ARHGAP8: variants seen among roughly 807,000 people sequenced by gnomAD.
The protein encoded by ARHGAP8 is Rho GTPase activating protein 8.
A neutral mutation model predicts 46.1 loss-of-function variants in ARHGAP8; 62 were observed. The observed-to-expected ratio is 1.34, with a 90% CI of 1.10 to 1.66. ARHGAP8 has a LOEUF of 1.66. ARHGAP8 is among the 40% of genes most tolerant of loss of function. The probability of loss-of-function intolerance (pLI) is 0.00; values close to 1 mark genes in which losing one functional copy is unlikely to be tolerated. For missense variants in ARHGAP8, 923 were observed against 568.4 expected (o/e 1.62, Z -6.34); for synonymous variants, 375 against 243.1 (o/e 1.54, Z -5.05).
chr22:44,807,289 G>T (rs1051326110), intron 3 of ARHGAP8, among the ~76,000 whole-genome samples: 6 of 152,210 alleles, frequency 3.9e-5, no homozygotes, highest in Non-Finnish European at 5.9e-5. Flanking sequence ...CCTTCCTTCT[G>T]CAGATGGCAG....
At chr22:44,833,203 C>T (rs1161229753) in intron 7 of ARHGAP8, among the ~76,000 whole-genome samples, 4 of 150,196 alleles carry the variant, frequency 2.7e-5, no homozygotes, top group Admixed American at 2.0e-4. Context: ...CTCCAGTGAT[C>T]CTCCTGTCTC....
intron 1 of ARHGAP8, among the ~76,000 whole-genome samples, chr22:44,779,491 G>C (rs132487): frequency 0.99 from 150,167 of 151,684 alleles, 74,338 homozygotes; most frequent in East Asian, 1. Context: ...GTAACATCCC[G>C]CTGTAGGACA....
rs569627944 is a variant in ARHGAP8 at position 44,812,418 on chromosome 22, G to A, written c.300-2254G>A. Among the ~76,000 whole-genome samples, 32 of 149,256 alleles carry A rather than the reference G, an allele frequency of 2.1e-4. No homozygotes were observed. The East Asian group carries it at 2.6e-3, about 12-fold the overall frequency. On this transcript the variant is annotated intron_variant, in intron 4 of 11. Coordinates refer to ENST00000356099, the MANE Select transcript of ARHGAP8 (RefSeq NM_181335.3). ...TGTCACCAGGCTGGAGTGCAGTGGC[G>A]CGATCTTGGCTCACGGCAACCTCTG...
intron 10 of ARHGAP8, among the ~76,000 whole-genome samples, chr22:44,852,189 C>CAAAA (rs58207915): frequency 2.6e-5 from 2 of 76,032 alleles, no homozygotes; most frequent in African/African-American, 1.2e-4. Flanking sequence ...GAGACTTTGT[C>CAAAA]AAAAAAAAAA....
At chr22:44,833,096 C>CT (rs533794156) in intron 7 of ARHGAP8, among the ~76,000 whole-genome samples, 1,334 of 120,440 alleles carry the variant, frequency 0.011, 9 homozygotes, top group African/African-American at 0.018. Flanking sequence ...CTTTTCTTTT[C>CT]TTTTTTTTTT....
At chr22:44,762,293 A>G (rs1569131996) in intron 1 of ARHGAP8, among the ~76,000 whole-genome samples, 1 of 152,068 alleles carries the variant, frequency 6.6e-6, no homozygotes. Flanking sequence ...TGAAAAAGCC[A>G]GGTACAGTGG....
At chr22:44,785,109 G>T (rs1021259289) in intron 1 of ARHGAP8, among the ~76,000 whole-genome samples, 2 of 152,154 alleles carry the variant, frequency 1.3e-5, no homozygotes, top group South Asian at 2.1e-4. Context: ...CCCGCCTCAC[G>T]CTCCCTCCTC....
intron 2 of ARHGAP8, among the ~76,000 whole-genome samples, chr22:44,792,540 C>T (rs11912805): frequency 0.024 from 3,632 of 152,182 alleles, 98 homozygotes; most frequent in East Asian, 0.065. Flanking sequence ...TCCTCCAGGG[C>T]GTGGCATGGA....
At chr22:44,849,383 G>A in intron 10 of ARHGAP8, 1 of 352,390 alleles carries the variant, frequency 2.8e-6, no homozygotes, top group Non-Finnish European at 5.3e-6. Context: ...AGTCCTGCCT[G>A]TAACCGCTCC....
In ARHGAP8 at chr22:44,848,665, G is replaced by A. The variant is rs147890072; in HGVS notation, c.749-267G>A. Among the ~76,000 whole-genome samples, 457 of 152,308 alleles carry A rather than the reference G, an allele frequency of 3.0e-3. 2 individuals carry two copies. The highest frequency in any genetic ancestry group is 0.011 in the South Asian group (53 of 4,826). Reference sequence around the variant, plus strand: ...GCCTCAGAGAGCTGGCATTGTAGCCGGGAGCAACAGCATGCCACAGAGAAG... The same window carrying A: ...GCCTCAGAGAGCTGGCATTGTAGCCAGGAGCAACAGCATGCCACAGAGAAG... On this transcript the variant is annotated intron_variant, in intron 9 of 11. Transcript: ENST00000356099.
At chr22:44,761,229 G>T (rs1368836179) in intron 1 of ARHGAP8, among the ~76,000 whole-genome samples, 1 of 152,158 alleles carries the variant, frequency 6.6e-6, no homozygotes, top group African/African-American at 2.4e-5. Flanking sequence ...CTCCGTATTG[G>T]TGGCCTCTGT....
At chr22:44,795,345 C>T (rs1928005082) in intron 2 of ARHGAP8, among the ~76,000 whole-genome samples, 1 of 152,168 alleles carries the variant, frequency 6.6e-6, no homozygotes, top group South Asian at 2.1e-4. Context: ...ACCCTCATTG[C>T]AGATGGCAGG....
In ARHGAP8 at chr22:44,770,156, A is replaced by G. The variant is rs374391392; in HGVS notation, c.-71-16301A>G. Among the ~76,000 whole-genome samples, 42 of 152,256 alleles carry G rather than the reference A, an allele frequency of 2.8e-4. 1 individual carries two copies. In the South Asian group the frequency reaches 3.7e-3, roughly 14 times the overall value. On this transcript the variant is annotated intron_variant, in intron 1 of 11. Coordinates refer to ENST00000356099, the MANE Select transcript of ARHGAP8 (RefSeq NM_181335.3). ...CTACTCTGGAGACTGAGGCAGGAGA[A>G]TTGCTTAAACCCAGGAGGCGGAGGT...
intron 1 of ARHGAP8, among the ~76,000 whole-genome samples, chr22:44,767,635 A>G (rs1183940171): frequency 2.6e-5 from 4 of 151,884 alleles, no homozygotes; most frequent in Non-Finnish European, 5.9e-5. Context: ...CCTTTGGAAA[A>G]CAACCCCCTA....
chr22:44,786,309 GGC>G, intron 1 of ARHGAP8, 146 bp from the exon 2 acceptor site: 2 of 960,442 alleles, frequency 2.1e-6, no homozygotes, highest in Non-Finnish European at 2.9e-6. Context: ...GCTGAGGCAG[GGC>G]GCGTAGTGGG....
chr22:44,804,349 G>T (rs1928785587), intron 3 of ARHGAP8, among the ~76,000 whole-genome samples: 1 of 151,910 alleles, frequency 6.6e-6, no homozygotes, highest in African/African-American at 2.4e-5. Flanking sequence ...AAAATAGCGA[G>T]AGCAGCACCT....
At chr22:44,792,977 C>T (rs547551292) in intron 2 of ARHGAP8, among the ~76,000 whole-genome samples, 1 of 152,006 alleles carries the variant, frequency 6.6e-6, no homozygotes, top group Non-Finnish European at 1.5e-5. Context: ...GTGCCTGCCA[C>T]CATGCCCAGC....
Position 44,862,433 on chromosome 22 carries a change from C to T in ARHGAP8, c.1140C>T (p.Ile380=), listed in dbSNP as rs778008520. 3 of 1,614,152 alleles carry T rather than the reference C, an allele frequency of 1.9e-6. No homozygotes were observed. The highest frequency in any genetic ancestry group is 1.3e-5 in the African/African-American group (1 of 75,046). ...TGCTGATCGAGTACTATGAAAAGAT[C>T]TTCAGCACCCCGGAGGCACCTGGGG... is the stretch of plus-strand genomic sequence containing the variant. The part of the protein sequence containing the change: ...TELLIEYYEK[I]FSTPEAPGEH... The change falls in exon 12 of 12, where the codon ATC becomes ATT. Residue 380 remains isoleucine (I), a synonymous_variant. Coordinates refer to ENST00000356099, the MANE Select transcript of ARHGAP8 (RefSeq NM_181335.3).
Position 44,862,411 on chromosome 22 carries a change from T to TG in ARHGAP8, c.1119dup (p.Ile374AspfsTer5). 1.2e-6 allele frequency: 2 copies of TG among 1,614,162 alleles called. No individual in the cohort carries two copies. Among genetic ancestry groups the TG allele is most frequent in the Non-Finnish European group, 1.7e-6 (2 of 1,180,000 alleles). ...CCCCTGAACATGTTCACTGAACTGC[T>TG]GATCGAGTACTATGAAAAGATCTTC... On this transcript the variant is annotated frameshift_variant, in exon 12 of 12. Coordinates refer to ENST00000356099, the MANE Select transcript of ARHGAP8 (RefSeq NM_181335.3). LOFTEE classifies it low-confidence loss of function (END_TRUNC).
Sources: allele counts gnomAD v4.1 joint callset (sites outside exome capture counted in the v4.1 genomes callset), GRCh38; gene constraint gnomAD v4.1.1; transcripts MANE v1.5; gene names NCBI Gene and HGNC (gene_info 2026-07-23, HGNC 2026-07-21).